GOLGA8A: variants seen among roughly 807,000 people sequenced by gnomAD.
GOLGA8A encodes golgin subfamily A member 8A.
A neutral mutation model predicts 22.1 loss-of-function variants in GOLGA8A; 3 were observed. That is an observed-to-expected ratio of 0.14 (90% CI 0.06 to 0.35). GOLGA8A has a LOEUF of 0.35. Ranked by LOEUF, GOLGA8A falls within the 10% of genes least tolerant of loss-of-function variation. The pLI is 1.00. For synonymous variants in GOLGA8A, 7 were observed against 91.7 expected (o/e 0.08, Z 5.28); for missense variants, 16 against 233.2 (o/e 0.07, Z 6.07).
chr15:34,380,507 A>G lies in GOLGA8A; in HGVS notation c.*904T>C, dbSNP rs568085670. 2.0e-5 allele frequency: 3 copies of G among 152,382 alleles called. No individual in the cohort carries two copies. In the East Asian group the frequency reaches 5.8e-4, roughly 29 times the overall value. 9.4% of individuals were successfully genotyped at this position (152,382 alleles called of 1,614,324 possible). ...AACACGAACTCTGACTTTAAAATGT[A>G]TTGTAGATACAAATGCTCTAAGCTA... On this transcript the variant is annotated 3_prime_UTR_variant, in exon 25 of 25. Coordinates refer to ENST00000359187, the MANE Select transcript of GOLGA8A (RefSeq NM_181077.5).
chr15:34,381,296 A>C lies in GOLGA8A; in HGVS notation c.*115T>G. On this transcript the variant is annotated 3_prime_UTR_variant, in exon 25 of 25. Transcript: ENST00000359187. ...TAAACTATAAATTAGAAACACAAAT[A>C]ATCATGAGTAGCTCTAACATTCAAA... 3 of 1,034,702 alleles carry C rather than the reference A, an allele frequency of 2.9e-6. No homozygotes were observed. In the South Asian group the frequency reaches 4.4e-5, roughly 15 times the overall value. The allele number at this position is 1,034,702 out of a possible 1,614,324, so 64.1% of individuals were successfully genotyped here.
chr15:34,430,751 T>C (rs937198248), intron 2 of GOLGA8A, among the ~76,000 whole-genome samples: 4 of 149,758 alleles, frequency 2.7e-5, no homozygotes, highest in African/African-American at 7.4e-5. Context: ...CCTCCATCCA[T>C]AGTAACTCAG....
chr15:34,418,191 A>C (rs1363491263), intron 2 of GOLGA8A: 1 of 121,456 alleles, frequency 8.2e-6, no homozygotes, highest in Non-Finnish European at 1.7e-5. Context: ...AAGATGTATA[A>C]GGTTTTCACT....
intron 1 of GOLGA8A, among the ~76,000 whole-genome samples, chr15:34,436,056 T>G (rs75355018): frequency 6.7e-6 from 1 of 148,458 alleles, no homozygotes; most frequent in Admixed American, 6.8e-5. Flanking sequence ...CATCCTGGAC[T>G]CCCCGGACTG....
intron 2 of GOLGA8A, among the ~76,000 whole-genome samples, chr15:34,433,711 A>G (rs79334971): frequency 6.7e-6 from 1 of 149,450 alleles, no homozygotes; most frequent in African/African-American, 2.5e-5. Flanking sequence ...CAACAACAGC[A>G]CTAAGGCTCT....
chr15:34,417,941 C>G (rs1361892833), intron 2 of GOLGA8A: 4 of 139,640 alleles, frequency 2.9e-5, no homozygotes, highest in Non-Finnish European at 6.2e-5. Context: ...ACTAAACGTC[C>G]TACAACACAC....
At chr15:34,431,329 A>ATC (rs1230273308) in intron 2 of GOLGA8A, among the ~76,000 whole-genome samples, 20 of 35,502 alleles carry the variant, frequency 5.6e-4, no homozygotes, top group Non-Finnish European at 1.1e-3. Context: ...ATATATATAT[A>ATC]TATATATATA....
rs538943571 is a variant in GOLGA8A at position 34,430,284 on chromosome 15, G to A, written c.-1123+5099C>T. The stretch of plus-strand genomic sequence containing the variant: ...CACAAAGACGTCTTCCCCAACAACC[G>A]CACATCCCACCTGCAAAACGATGAC... On this transcript the variant is annotated intron_variant, in intron 2 of 24. Coordinates refer to ENST00000359187, the MANE Select transcript of GOLGA8A (RefSeq NM_181077.5). Among the ~76,000 whole-genome samples, 29 of 148,948 alleles carry A rather than the reference G, an allele frequency of 1.9e-4. 1 individual carries two copies. Among genetic ancestry groups the A allele is most frequent in the South Asian group, 6.5e-4 (3 of 4,626 alleles).
Position 34,430,733 on chromosome 15 carries a change from T to TC in GOLGA8A, c.-1123+4649dup, listed in dbSNP as rs1813902104. 1.3e-5 allele frequency among the ~76,000 whole-genome samples: 2 copies of TC among 149,780 alleles called. 1 individual carries two copies. Among genetic ancestry groups the TC allele is most frequent in the Non-Finnish European group, 3.0e-5 (2 of 67,374 alleles). ...TACTGTAGCAGAACAGTTGCACACATCTCATCTCCTCCATCCATAGTAACT... is the reference window on the plus strand; with the variant it reads ...TACTGTAGCAGAACAGTTGCACACATCCTCATCTCCTCCATCCATAGTAACT... On this transcript the variant is annotated intron_variant, in intron 2 of 24. Transcript: ENST00000359187.
intron 2 of GOLGA8A, among the ~76,000 whole-genome samples, chr15:34,433,578 C>T (rs1893352921): frequency 6.7e-6 from 1 of 148,818 alleles, no homozygotes; most frequent in Non-Finnish European, 1.5e-5. Flanking sequence ...TGCTACATTC[C>T]AGGAGGATCC....
Position 34,428,127 on chromosome 15 carries a change from A to C in GOLGA8A, c.-1123+7256T>G, listed in dbSNP as rs7168439. On this transcript the variant is annotated intron_variant, in intron 2 of 24. Transcript: ENST00000359187. ...TTTTTTTTGAGAGAGAGAAGTTCTC[A>C]CTCTGTCACCCAGGGGAGGGCAGTG... is the stretch of plus-strand genomic sequence containing the variant. Among the ~76,000 whole-genome samples the C allele has an allele frequency of 7.8e-5, 11 of 141,522 alleles. 2 individuals carry two copies. The highest frequency in any genetic ancestry group is 1.2e-4 in the Non-Finnish European group (8 of 64,862). 92.8% of individuals were successfully genotyped at this position (141,522 alleles called of 152,430 possible). A position where few individuals can be genotyped will look rare whatever the true frequency, so the allele number is the denominator to read the frequency against.
intron 1 of GOLGA8A, 22 bp from the exon 2 acceptor site, chr15:34,435,493 A>G (rs1709449209): frequency 6.8e-6 from 1 of 147,916 alleles, no homozygotes; most frequent in South Asian, 2.2e-4. Flanking sequence ...TTTTTTTTTT[A>G]AAGTTTAGAG....
intron 2 of GOLGA8A, among the ~76,000 whole-genome samples, chr15:34,434,414 A>G (rs1490077942): frequency 6.7e-6 from 1 of 149,100 alleles, no homozygotes; most frequent in Non-Finnish European, 1.5e-5. Flanking sequence ...CCACATAGAG[A>G]GCCTGGCTGC....
rs1050394347 is a variant in GOLGA8A at position 34,426,138 on chromosome 15, G to C, written c.-1123+9245C>G. Among the ~76,000 whole-genome samples the C allele has an allele frequency of 4.7e-5, 7 of 149,128 alleles. 2 individuals are homozygous for C. Among genetic ancestry groups the C allele is most frequent in the African/African-American group, 1.7e-4 (7 of 40,460 alleles). On this transcript the variant is annotated intron_variant, in intron 2 of 24. Coordinates refer to ENST00000359187, the MANE Select transcript of GOLGA8A (RefSeq NM_181077.5). ...CGAAAACAACCCCATGCAGATGCAA[G>C]GGTTTAATGTACGAGACTCCACCTG...
At chr15:34,430,028 C>T (rs369248926) in intron 2 of GOLGA8A, among the ~76,000 whole-genome samples, 10,519 of 143,946 alleles carry the variant, frequency 0.073, 876 homozygotes, top group South Asian at 0.2. Flanking sequence ...CCAAATGAAA[C>T]CAAGACAAGT....
intron 1 of GOLGA8A, among the ~76,000 whole-genome samples, chr15:34,436,631 AG>A (rs1228299906): frequency 6.7e-6 from 1 of 149,916 alleles, no homozygotes; most frequent in African/African-American, 2.5e-5. Flanking sequence ...CCCGGAGAAA[AG>A]GAAGTTCGCC....
At position 34,432,335 on chromosome 15, in the gene GOLGA8A, T is replaced by C. The variant is rs201117226; in HGVS notation, c.-1123+3048A>G. ...TCATGAGTCCTAGTCATGCCCACCC[T>C]GTTAAAAACAAATCTGATACAAAAT... On this transcript the variant is annotated intron_variant, in intron 2 of 24. Coordinates refer to ENST00000359187, the MANE Select transcript of GOLGA8A (RefSeq NM_181077.5). 8.7e-5 allele frequency among the ~76,000 whole-genome samples: 13 copies of C among 148,602 alleles called. 2 individuals are homozygous for C. The highest frequency in any genetic ancestry group is 1.2e-4 in the Non-Finnish European group (8 of 67,090).
Position 34,380,959 on chromosome 15 carries a change from G to A in GOLGA8A, c.*452C>T, listed in dbSNP as rs751896749. On this transcript the variant is annotated 3_prime_UTR_variant, in exon 25 of 25. Coordinates refer to ENST00000359187, the MANE Select transcript of GOLGA8A (RefSeq NM_181077.5). The stretch of plus-strand genomic sequence containing the variant: ...AAACCGCATATTGAGCTATAGAAGA[G>A]CTCACTGTGATTAAGATGAGATCAA... The A allele has an allele frequency of 6.2e-6, 2 of 323,812 alleles. No homozygotes were observed. Among genetic ancestry groups the A allele is most frequent in the South Asian group, 2.6e-5 (1 of 38,262 alleles). 20.1% of individuals were successfully genotyped at this position (323,812 alleles called of 1,614,324 possible). A position where few individuals can be genotyped will look rare whatever the true frequency, so the allele number is the denominator to read the frequency against.
rs780771943 is a variant in GOLGA8A at position 34,432,011 on chromosome 15, A to C, written c.-1123+3372T>G. Among the ~76,000 whole-genome samples the C allele has an allele frequency of 1.1e-4, 17 of 149,224 alleles. 1 individual carries two copies. ...GTGTTCTCCGACTCACTATTTACTA[A>C]TAAGAGTTTCCTCAGAACTGTCTTT... On this transcript the variant is annotated intron_variant, in intron 2 of 24. Coordinates refer to ENST00000359187, the MANE Select transcript of GOLGA8A (RefSeq NM_181077.5).
Sources: allele counts gnomAD v4.1 joint callset (sites outside exome capture counted in the v4.1 genomes callset), GRCh38; gene constraint gnomAD v4.1.1; transcripts MANE v1.5; gene names NCBI Gene and HGNC (gene_info 2026-07-23, HGNC 2026-07-21).